The following NOS1AP variants were observed in gnomAD, a reference collection of about 807,000 sequenced individuals.
The protein encoded by NOS1AP is carboxyl-terminal PDZ ligand of neuronal nitric oxide synthase protein.
NOS1AP carries 21 observed loss-of-function variants against 56.2 expected under a neutral mutation model. The observed-to-expected ratio is 0.37, with a 90% CI of 0.26 to 0.54. The LOEUF is 0.54. Ranked by LOEUF, NOS1AP falls within the 20% of genes least tolerant of loss-of-function variation. The pLI is 0.84. For missense variants in NOS1AP, 522 were observed against 657.8 expected (o/e 0.79, Z 2.26); for synonymous variants, 270 against 274.6 (o/e 0.98, Z 0.17).
At chr1:162,113,687 G>A (rs1647801818) in intron 1 of NOS1AP, among the ~76,000 whole-genome samples, 1 of 152,078 alleles carries the variant, frequency 6.6e-6, no homozygotes. Context: ...TGAAAACTCT[G>A]TATCACCAGA....
At chr1:162,227,461 A>G (rs1475360777) in intron 2 of NOS1AP, among the ~76,000 whole-genome samples, 2 of 152,210 alleles carry the variant, frequency 1.3e-5, no homozygotes, top group Non-Finnish European at 2.9e-5. Flanking sequence ...CTTTCAGTGC[A>G]CTTAGCACAT....
intron 1 of NOS1AP, among the ~76,000 whole-genome samples, chr1:162,132,552 T>G (rs1337442126): frequency 6.6e-6 from 1 of 152,256 alleles, no homozygotes; most frequent in Non-Finnish European, 1.5e-5. Context: ...GATTATCTGA[T>G]AAAGTGAGAT....
chr1:162,307,077 C>T (rs889707894), intron 4 of NOS1AP, among the ~76,000 whole-genome samples: 4 of 151,812 alleles, frequency 2.6e-5, no homozygotes, highest in African/African-American at 9.7e-5. Context: ...TTTTGGATTT[C>T]CTTTTCTTTC....
intron 2 of NOS1AP, among the ~76,000 whole-genome samples, chr1:162,225,476 G>A (rs993169857): frequency 6.6e-6 from 1 of 152,162 alleles, no homozygotes; most frequent in Non-Finnish European, 1.5e-5. Context: ...AGTGCACAGT[G>A]CCTCTTCTTC....
intron 3 of NOS1AP, among the ~76,000 whole-genome samples, chr1:162,292,273 G>A (rs1241034127): frequency 6.6e-6 from 1 of 152,196 alleles, no homozygotes; most frequent in Non-Finnish European, 1.5e-5. Flanking sequence ...GTTAGCTTTA[G>A]GGGGCAGGGA....
At chr1:162,254,731 C>A (rs1653972845) in intron 2 of NOS1AP, among the ~76,000 whole-genome samples, 1 of 152,128 alleles carries the variant, frequency 6.6e-6, no homozygotes, top group African/African-American at 2.4e-5. Context: ...TAGTTTATAG[C>A]ATATTACAAA....
At position 162,251,877 on chromosome 1, in the gene NOS1AP, T is replaced by G. The variant is rs1226849653; in HGVS notation, c.178-35467T>G. On this transcript the variant is annotated intron_variant, in intron 2 of 9. Coordinates refer to ENST00000361897, the MANE Select transcript of NOS1AP (RefSeq NM_014697.3). ...TAGTTGTTTTTTTTTTTGTTTTTTT[T>G]TTTTTTTTTTTTGTGGAGACAAGGT... Among the ~76,000 whole-genome samples, 60 of 138,820 alleles carry G rather than the reference T, an allele frequency of 4.3e-4. 1 individual carries two copies. The highest frequency in any genetic ancestry group is 2.7e-3 in the South Asian group (11 of 4,084). The allele number at this position is 138,820 out of a possible 152,430, so 91.1% of individuals were successfully genotyped here. A position where few individuals can be genotyped will look rare whatever the true frequency, so the allele number is the denominator to read the frequency against.
chr1:162,153,291 G>C (rs527605492), intron 1 of NOS1AP, among the ~76,000 whole-genome samples: 15 of 152,234 alleles, frequency 9.9e-5, no homozygotes, highest in African/African-American at 3.1e-4. Context: ...ACCACACCCA[G>C]CTAATTTTTG....
intron 1 of NOS1AP, among the ~76,000 whole-genome samples, chr1:162,133,916 T>C (rs1394931640): frequency 6.6e-6 from 1 of 152,188 alleles, no homozygotes; most frequent in East Asian, 1.9e-4. Context: ...ATGCTTGGCA[T>C]GAAGTAGTAC....
intron 1 of NOS1AP, among the ~76,000 whole-genome samples, chr1:162,090,335 A>T (rs921901243): frequency 6.6e-6 from 1 of 150,834 alleles, no homozygotes; most frequent in Non-Finnish European, 1.5e-5. Context: ...ATTTGTATAC[A>T]GTTAAAATTA....
At chr1:162,198,291 C>T (rs748407369) in intron 2 of NOS1AP, among the ~76,000 whole-genome samples, 17 of 152,162 alleles carry the variant, frequency 1.1e-4, no homozygotes, top group South Asian at 2.1e-4. Context: ...CATCTGCATA[C>T]GAATTGGAGG....
chr1:162,336,281 G>A (rs149070383), intron 5 of NOS1AP, among the ~76,000 whole-genome samples: 23 of 152,264 alleles, frequency 1.5e-4, no homozygotes, highest in Middle Eastern at 3.4e-3. Flanking sequence ...GTGGGAAAAT[G>A]GGGCCTAAAG....
intron 4 of NOS1AP, among the ~76,000 whole-genome samples, chr1:162,330,564 C>T (rs1447916697): frequency 1.3e-5 from 2 of 152,046 alleles, no homozygotes; most frequent in Non-Finnish European, 2.9e-5. Flanking sequence ...TAGGTCAGGA[C>T]TCTGGAGAGA....
At chr1:162,364,374 A>T in intron 8 of NOS1AP, 1 of 985,464 alleles carries the variant, frequency 1.0e-6, no homozygotes, top group Non-Finnish European at 1.2e-6. Flanking sequence ...TGCTCCCTGG[A>T]GAACTCTTTA....
intron 2 of NOS1AP, among the ~76,000 whole-genome samples, chr1:162,207,078 A>G (rs1175426548): frequency 1.3e-5 from 2 of 152,248 alleles, no homozygotes; most frequent in Non-Finnish European, 2.9e-5. Flanking sequence ...TGGGATTTTT[A>G]TCACATAATT....
chr1:162,102,472 G>A (rs1033433382), intron 1 of NOS1AP, among the ~76,000 whole-genome samples: 1 of 152,190 alleles, frequency 6.6e-6, no homozygotes, highest in African/African-American at 2.4e-5. Flanking sequence ...GAATGAGTTA[G>A]GGAGGAGTCC....
intron 2 of NOS1AP, among the ~76,000 whole-genome samples, chr1:162,222,315 T>A (rs1195351639): frequency 6.6e-6 from 1 of 152,218 alleles, no homozygotes. Context: ...GTATATAATA[T>A]CTAACACGGC....
At chr1:162,236,455 G>A (rs1158842547) in intron 2 of NOS1AP, among the ~76,000 whole-genome samples, 1 of 152,184 alleles carries the variant, frequency 6.6e-6, no homozygotes, top group Admixed American at 6.5e-5. Flanking sequence ...CTGCAAGCTT[G>A]AGCAGTGTGT....
intron 4 of NOS1AP, among the ~76,000 whole-genome samples, chr1:162,327,064 AC>A (rs1421804645): frequency 6.6e-6 from 1 of 152,202 alleles, no homozygotes; most frequent in African/African-American, 2.4e-5. Context: ...TACTGAGAGA[AC>A]TGAAACCCTG....
Sources: gnomAD v4.1 joint callset for allele counts (sites outside exome capture counted in the v4.1 genomes callset) on GRCh38, gnomAD v4.1.1 for gene constraint, MANE v1.5 for transcripts, NCBI Gene and HGNC (gene_info 2026-07-23, HGNC 2026-07-21) for gene names.